Variants in ABCC5 observed in about 807,000 individuals in gnomAD.
The protein encoded by ABCC5 is ATP binding cassette subfamily C member 5, also known as ATP-binding cassette sub-family C member 5.
A neutral mutation model predicts 160.9 loss-of-function variants in ABCC5; 61 were observed. The observed-to-expected ratio is 0.38, with a 90% CI of 0.31 to 0.47. The LOEUF is 0.47. ABCC5 is among the 20% of genes least tolerant of loss of function. ABCC5 has a pLI of 0.99. For missense variants in ABCC5, 1,308 were observed against 1,813.3 expected (o/e 0.72, Z 5.06); for synonymous variants, 666 against 700.6 (o/e 0.95, Z 0.78).
rs571386967 is a variant in ABCC5, at chr3:183,922,138, G to A, written c.4213-737C>T. Among the ~76,000 whole-genome samples the A allele has an allele frequency of 4.6e-5, 7 of 152,156 alleles. No individual in the cohort carries two copies. In the South Asian group the frequency reaches 6.2e-4, roughly 14 times the overall value. ...TGTAATCCCAGCACTTTGGGAGGTC[G>A]AGGCAGGCGGATCACCTGAGGTCAG... is the stretch of plus-strand genomic sequence containing the variant. On this transcript the variant is annotated intron_variant, in intron 29 of 29. Transcript: ENST00000334444.
intron 22 of ABCC5, 144 bp from the exon 23 acceptor site, chr3:183,947,654 AG>A (rs1266559932): frequency 1.5e-6 from 1 of 658,574 alleles, no homozygotes; most frequent in East Asian, 2.9e-5. Flanking sequence ...AAACTCCAGG[AG>A]GGTATTCTAG....
Position 183,949,694 on chromosome 3 carries a change from G to A in ABCC5, c.3227+59C>T, listed in dbSNP as rs1715164128. 2 of 1,595,230 alleles carry A rather than the reference G, an allele frequency of 1.3e-6. No individual in the cohort carries two copies. Among genetic ancestry groups the A allele is most frequent in the African/African-American group, 1.3e-5 (1 of 74,342 alleles). On this transcript the variant is annotated intron_variant, in intron 22 of 29. Transcript: ENST00000334444. This position sits in a 1 kb window ranked among gnomAD's most constrained non-coding sequence, Gnocchi z 4.2. ...TGGCCTTGAAGAGCCTCCCGGACAA[G>A]TATCAAACGCTGGGATGCTGACTCC...
Position 183,949,697 on chromosome 3 carries a change from T to C in ABCC5, c.3227+56A>G. The C allele has an allele frequency of 6.3e-7, 1 of 1,597,878 alleles. No homozygotes were observed. Among genetic ancestry groups the C allele is most frequent in the South Asian group, 1.1e-5 (1 of 89,098 alleles). ...CCTTGAAGAGCCTCCCGGACAAGTATCAAACGCTGGGATGCTGACTCCCCT... is the reference window on the plus strand; with the variant it reads ...CCTTGAAGAGCCTCCCGGACAAGTACCAAACGCTGGGATGCTGACTCCCCT... On this transcript the variant is annotated intron_variant, in intron 22 of 29. Coordinates refer to ENST00000334444, the MANE Select transcript of ABCC5 (RefSeq NM_005688.4). The surrounding 1 kb of genome is among the most constrained non-coding windows in gnomAD (Gnocchi z 4.2).
At chr3:184,012,453 T>TC (rs1195099231) in intron 2 of ABCC5, among the ~76,000 whole-genome samples, 1 of 152,224 alleles carries the variant, frequency 6.6e-6, no homozygotes. Context: ...CATTTACTCC[T>TC]CAGTGATCCC....
rs2108775540 is a variant in ABCC5, at chr3:183,937,942, A to G, written c.3813T>C (p.Ser1271=). The G allele has an allele frequency of 6.2e-7, 1 of 1,614,230 alleles. No individual in the cohort carries two copies. Among genetic ancestry groups the G allele is most frequent in the Non-Finnish European group, 8.5e-7 (1 of 1,180,026 alleles). ...ACAGCACCGGCTCTTGAGGAATGAT[A>G]GAGAGTTTGCTTCGGAGGTCGGCAA... ...IGLADLRSKL[S]IIPQEPVLFS... Residue 1271 remains serine, a synonymous_variant, in exon 26 of 30, where the codon TCT becomes TCC. Coordinates refer to ENST00000334444, the MANE Select transcript of ABCC5 (RefSeq NM_005688.4).
At chr3:184,010,637 C>T (rs1721647885) in intron 2 of ABCC5, 1 of 152,954 alleles carries the variant, frequency 6.5e-6, no homozygotes, top group Admixed American at 6.5e-5. Context: ...GCAAGCCATC[C>T]TTGGGTAAGC....
intron 10 of ABCC5, chr3:183,972,167 C>T (rs1047780374): frequency 1.3e-5 from 9 of 686,378 alleles, no homozygotes; most frequent in African/African-American, 1.2e-4. Context: ...AAATTACATG[C>T]TAAACTGCCT....
In ABCC5 at chr3:184,014,306, C is replaced by T. The variant is rs1253881716; in HGVS notation, c.87G>A (p.Thr29=). The change falls in exon 2 of 30, where the codon ACG becomes ACA. Residue 29 remains threonine (T), a synonymous_variant. Coordinates refer to ENST00000334444, the MANE Select transcript of ABCC5 (RefSeq NM_005688.4). The part of the protein sequence containing the change: ...SVRERTSTSG[T]HRDREDSKFR... Reference sequence around the variant, plus strand: ...ACTTGGAATCTTCACGGTCTCTGTGCGTCCCAGAAGTGCTGGTTCTCTCCC... The same window carrying T: ...ACTTGGAATCTTCACGGTCTCTGTGTGTCCCAGAAGTGCTGGTTCTCTCCC... 9 of 1,613,792 alleles carry T rather than the reference C, an allele frequency of 5.6e-6. No individual in the cohort carries two copies. The highest frequency in any genetic ancestry group is 1.3e-5 in the African/African-American group (1 of 74,878).
At chr3:183,928,666 A>G in intron 27 of ABCC5, 81 bp downstream of exon 27, 2 of 1,309,124 alleles carry the variant, frequency 1.5e-6, no homozygotes, top group Admixed American at 3.4e-5. Context: ...GCACGGCCAG[A>G]GCAGACGGGG....
Position 183,930,196 on chromosome 3 carries a change from A to G in ABCC5, c.3855-1371T>C, listed in dbSNP as rs78742039. ...CACACCTGTCTCCATATCTGGGGTT[A>G]CTAATTACAGGCATGCAAATACAAT... On this transcript the variant is annotated intron_variant, in intron 26 of 29. Transcript: ENST00000334444. Among the ~76,000 whole-genome samples the G allele has an allele frequency of 3.1e-4, 47 of 152,368 alleles. No individual in the cohort carries two copies. The East Asian group carries it at 8.9e-3, about 29-fold the overall frequency.
At chr3:183,984,236 C>G in intron 5 of ABCC5, 1 of 985,524 alleles carries the variant, frequency 1.0e-6, no homozygotes, top group Non-Finnish European at 1.2e-6. Context: ...AAACTGGTGG[C>G]ATCCTTCTGG....
At position 183,927,313 on chromosome 3, in the gene ABCC5, A is replaced by T; in HGVS notation, c.4047+17T>A. The T allele has an allele frequency of 6.2e-7, 1 of 1,611,482 alleles. No individual in the cohort carries two copies. The highest frequency in any genetic ancestry group is 8.5e-7 in the Non-Finnish European group (1 of 1,178,626). On this transcript the variant is annotated intron_variant, in intron 28 of 29. Transcript: ENST00000334444. ...ACATTCCCATTCTCTGCTGCTGCCA[A>T]CCCCAAACTGCCTTACCTTACAGTG...
At chr3:183,937,821 C>A in intron 26 of ABCC5, 80 bp downstream of exon 26, 1 of 1,471,894 alleles carries the variant, frequency 6.8e-7, no homozygotes, top group Admixed American at 1.8e-5. Flanking sequence ...TCCCAGGGGG[C>A]GGTGCTAGCA....
At chr3:184,008,247 A>T (rs1360305719) in intron 2 of ABCC5, among the ~76,000 whole-genome samples, 2 of 152,216 alleles carry the variant, frequency 1.3e-5, no homozygotes, top group African/African-American at 4.8e-5. Context: ...TGCTAAATTT[A>T]AAAAAATGAA....
intron 25 of ABCC5, among the ~76,000 whole-genome samples, chr3:183,941,520 G>GA (rs1714348352): frequency 7.0e-6 from 1 of 143,564 alleles, no homozygotes; most frequent in Non-Finnish European, 1.5e-5. Context: ...AAGACAAAAG[G>GA]TTTTTTTTTT....
At chr3:184,012,389 T>C (rs1405651062) in intron 2 of ABCC5, among the ~76,000 whole-genome samples, 3 of 152,232 alleles carry the variant, frequency 2.0e-5, no homozygotes, top group Non-Finnish European at 2.9e-5. Flanking sequence ...CTAACATTTA[T>C]TGAGCACTGG....
intron 23 of ABCC5, among the ~76,000 whole-genome samples, chr3:183,947,016 C>T (rs1316520631): frequency 1.3e-5 from 2 of 152,198 alleles, no homozygotes; most frequent in African/African-American, 2.4e-5. Context: ...GTGGTGAACA[C>T]AGAAACCCAC....
chr3:183,931,021 T>A (rs981521357), intron 26 of ABCC5, among the ~76,000 whole-genome samples: 5 of 152,162 alleles, frequency 3.3e-5, no homozygotes, highest in African/African-American at 1.2e-4. Flanking sequence ...TATGTTTTTT[T>A]CCCCTATATA....
Position 183,946,005 on chromosome 3 carries a change from G to A in ABCC5, c.3415-66C>T, listed in dbSNP as rs1054277435. 1.8e-5 allele frequency: 26 copies of A among 1,433,700 alleles called. No homozygotes were observed. In the African/African-American group the frequency reaches 2.9e-4, roughly 16 times the overall value. The allele number at this position is 1,433,700 out of a possible 1,614,324, so 88.8% of individuals were successfully genotyped here. ...CAATACACGCCAGGCCAATGCTGGAGAACTTCCTTCATCTAGAGGACTACT... is the reference window on the plus strand; with the variant it reads ...CAATACACGCCAGGCCAATGCTGGAAAACTTCCTTCATCTAGAGGACTACT... On this transcript the variant is annotated intron_variant, in intron 23 of 29. Transcript: ENST00000334444.
Sources: allele counts gnomAD v4.1 joint callset (sites outside exome capture counted in the v4.1 genomes callset), GRCh38; gene constraint gnomAD v4.1.1; non-coding constraint Gnocchi (gnomAD v3.1); transcripts MANE v1.5; gene names NCBI Gene and HGNC (gene_info 2026-07-23, HGNC 2026-07-21).